VAMP7: variants seen among roughly 807,000 people sequenced by gnomAD.
VAMP7 encodes vesicle-associated membrane protein 7.
VAMP7 carries 14 observed loss-of-function variants against 29.6 expected under a neutral mutation model. The observed-to-expected ratio is 0.47, with a 90% CI of 0.31 to 0.74. VAMP7 has a LOEUF of 0.74. VAMP7 is among the 30% of genes least tolerant of loss of function. VAMP7 has a pLI of 0.05. For missense variants in VAMP7, 223 were observed against 262.4 expected, an observed-to-expected ratio of 0.85 and a Z score of 1.04; for synonymous variants, 95 against 88.1, an observed-to-expected ratio of 1.08 and a Z score of -0.44.
intron 2 of VAMP7, among the ~76,000 whole-genome samples, chrX:155,895,290 G>T (rs923083615): frequency 6.6e-6 from 1 of 152,128 alleles, no homozygotes. Context: ...GCCTATTGGG[G>T]GTTAATCTTA....
chrX:155,897,005 A>T (rs1394559936), intron 3 of VAMP7, among the ~76,000 whole-genome samples: 1 of 151,956 alleles, frequency 6.6e-6, no homozygotes, highest in African/African-American at 2.4e-5. Context: ...GTAGTAATAT[A>T]TATGCTTCTT....
Position 155,942,149 on chromosome X carries a change from T to C in VAMP7, c.*198T>C. 1 of 1,550,790 alleles carries C rather than the reference T, an allele frequency of 6.4e-7. No homozygotes were observed. On this transcript the variant is annotated 3_prime_UTR_variant, in exon 8 of 8. Transcript: ENST00000286448. ...CAGTTTATTCCTGTGAACTTCAGAT[T>C]GAACCATTCATTGCAGCAGTAGCCT...
At chrX:155,939,554 A>G in intron 6 of VAMP7, 147 bp from the exon 7 acceptor site, 3 of 693,636 alleles carry the variant, frequency 4.3e-6, no homozygotes, top group Non-Finnish European at 7.9e-6. Flanking sequence ...TTTGGCAACT[A>G]TTGAGTATGA....
intron 6 of VAMP7, among the ~76,000 whole-genome samples, chrX:155,920,828 ATTG>A (rs1481073151): frequency 1.3e-5 from 2 of 152,214 alleles, no homozygotes; most frequent in African/African-American, 4.8e-5. Flanking sequence ...GTTCATCATT[ATTG>A]TTAATTTTAC....
intron 6 of VAMP7, among the ~76,000 whole-genome samples, chrX:155,937,335 G>A (rs912907460): frequency 4.6e-5 from 7 of 152,036 alleles, no homozygotes; most frequent in African/African-American, 9.7e-5. Context: ...TCTGGATACC[G>A]GACATACAGC....
At chrX:155,931,732 T>C (rs1158622791) in intron 6 of VAMP7, among the ~76,000 whole-genome samples, 1 of 152,094 alleles carries the variant, frequency 6.6e-6, no homozygotes, top group Non-Finnish European at 1.5e-5. Flanking sequence ...TTTGTCAATT[T>C]TGGCTTTTGT....
intron 6 of VAMP7, among the ~76,000 whole-genome samples, chrX:155,936,921 T>G (rs1422951761): frequency 6.6e-6 from 1 of 152,146 alleles, no homozygotes; most frequent in Admixed American, 6.5e-5. Flanking sequence ...TGTAATAATG[T>G]GCACACTGAA....
intron 2 of VAMP7, among the ~76,000 whole-genome samples, chrX:155,892,928 T>A (rs1244158230): frequency 6.6e-6 from 1 of 151,958 alleles, no homozygotes; most frequent in South Asian, 2.1e-4. Context: ...AATTTTTGTA[T>A]TTTTAGTAGA....
intron 6 of VAMP7, among the ~76,000 whole-genome samples, chrX:155,929,756 A>G (rs2124378967): frequency 6.6e-6 from 1 of 152,258 alleles, no homozygotes; most frequent in Non-Finnish European, 1.5e-5. Flanking sequence ...TTGATTGGCA[A>G]CACAGAGGAG....
At chrX:155,922,256 C>T (rs1198610499) in intron 6 of VAMP7, among the ~76,000 whole-genome samples, 1 of 151,892 alleles carries the variant, frequency 6.6e-6, no homozygotes, top group African/African-American at 2.4e-5. Flanking sequence ...ACCTTCTACA[C>T]AATACTGAAT....
chrX:155,918,262 A>G (rs763099615), intron 5 of VAMP7, among the ~76,000 whole-genome samples: 63 of 143,628 alleles, frequency 4.4e-4, no homozygotes, highest in African/African-American at 1.6e-3. Context: ...GGTGGAATAT[A>G]CTGAGCTAGA....
chrX:155,935,004 T>G (rs776549147), intron 6 of VAMP7, among the ~76,000 whole-genome samples: 1 of 152,314 alleles, frequency 6.6e-6, no homozygotes, highest in African/African-American at 2.4e-5. Flanking sequence ...AAAATTCTTT[T>G]CTTTAAGAAT....
Position 155,943,694 on chromosome X carries a change from C to T in VAMP7, c.*1743C>T, listed in dbSNP as rs1467116983. The T allele has an allele frequency of 1.3e-5, 2 of 152,064 alleles. No homozygotes were observed. 9.4% of individuals were successfully genotyped at this position (152,064 alleles called of 1,614,324 possible). A position where few individuals can be genotyped will look rare whatever the true frequency, so the allele number is the denominator to read the frequency against. On this transcript the variant is annotated 3_prime_UTR_variant, in exon 8 of 8. Coordinates refer to ENST00000286448, the MANE Select transcript of VAMP7 (RefSeq NM_005638.6). ...CTTGGTCTATTTATGTATAAGAATG[C>T]TTTTTAAAGCACATGTCTCATTTTA...
intron 6 of VAMP7, among the ~76,000 whole-genome samples, chrX:155,930,570 A>T (rs1296479572): frequency 1.3e-5 from 2 of 151,502 alleles, no homozygotes; most frequent in Non-Finnish European, 2.9e-5. Context: ...GAATTGCTTG[A>T]ACCCAGGAAT....
intron 5 of VAMP7, among the ~76,000 whole-genome samples, chrX:155,917,790 A>G (rs1184327875): frequency 6.6e-6 from 1 of 152,052 alleles, no homozygotes; most frequent in Non-Finnish European, 1.5e-5. Flanking sequence ...GAGCTCAGGG[A>G]CCCACTTGAG....
intron 5 of VAMP7, among the ~76,000 whole-genome samples, chrX:155,918,441 G>A (rs900688068): frequency 2.6e-5 from 4 of 152,256 alleles, no homozygotes; most frequent in East Asian, 1.9e-4. Context: ...GGTGGCATAG[G>A]CACCCAAGGG....
chrX:155,934,835 GTA>G lies in VAMP7; in HGVS notation c.502-4864_502-4863del, dbSNP rs1025519573. On this transcript the variant is annotated intron_variant, in intron 6 of 7. Coordinates refer to ENST00000286448, the MANE Select transcript of VAMP7 (RefSeq NM_005638.6). Reference sequence around the variant, plus strand: ...ATTTGGCATGTTTTTCCAGTGGCTGGTATGTGTTGTTCCTTTCCATGTTTAGT... The same window carrying G: ...ATTTGGCATGTTTTTCCAGTGGCTGGTGTGTTGTTCCTTTCCATGTTTAGT... 1.2e-3 allele frequency among the ~76,000 whole-genome samples: 176 copies of G among 151,908 alleles called. 3 individuals are homozygous for G. Among genetic ancestry groups the G allele is most frequent in the African/African-American group, 4.2e-3 (173 of 41,380 alleles).
chrX:155,937,167 CAGAT>C (rs1407897294), intron 6 of VAMP7, among the ~76,000 whole-genome samples: 2 of 151,774 alleles, frequency 1.3e-5, no homozygotes, highest in African/African-American at 2.4e-5. Context: ...ATACTAGACA[CAGAT>C]AGATAAATAC....
intron 5 of VAMP7, among the ~76,000 whole-genome samples, chrX:155,912,009 T>A (rs1256357778): frequency 6.6e-5 from 10 of 152,156 alleles, no homozygotes; most frequent in Non-Finnish European, 1.0e-4. Context: ...ATAGGAGTAG[T>A]GAAACTGGGC....
Sources: gnomAD v4.1 joint callset for allele counts (sites outside exome capture counted in the v4.1 genomes callset) on GRCh38, gnomAD v4.1.1 for gene constraint, MANE v1.5 for transcripts, NCBI Gene and HGNC (gene_info 2026-07-23, HGNC 2026-07-21) for gene names.